GALNTL6: variants seen among roughly 807,000 people sequenced by gnomAD.
GALNTL6 encodes polypeptide N-acetylgalactosaminyltransferase-like 6.
GALNTL6 carries 46 observed loss-of-function variants against 73.7 expected under a neutral mutation model. That is an observed-to-expected ratio of 0.62 (90% CI 0.49 to 0.80). The LOEUF is 0.80. Among genes scored for constraint, GALNTL6 ranks in the 30% least tolerant of loss-of-function variants. The pLI, the probability that GALNTL6 is intolerant of heterozygous loss-of-function variation, is 0.00. For missense variants in GALNTL6, 604 were observed against 755.0 expected (o/e 0.80, Z 2.34); for synonymous variants, 259 against 263.7 (o/e 0.98, Z 0.17).
intron 12 of GALNTL6, among the ~76,000 whole-genome samples, chr4:173,023,269 C>G (rs1288855179): frequency 6.6e-6 from 1 of 152,166 alleles, no homozygotes. Context: ...TAAAACTATA[C>G]TCATCCAAAG....
At chr4:172,337,918 G>T (rs1173011106) in intron 4 of GALNTL6, among the ~76,000 whole-genome samples, 3 of 151,682 alleles carry the variant, frequency 2.0e-5, no homozygotes, top group African/African-American at 7.3e-5. Context: ...GTGATTCATA[G>T]GTTTGATTGC....
chr4:172,436,442 C>A (rs1037181267), intron 5 of GALNTL6, among the ~76,000 whole-genome samples: 6 of 152,072 alleles, frequency 3.9e-5, no homozygotes, highest in Non-Finnish European at 8.8e-5. Flanking sequence ...CCAGGAGACA[C>A]CTGGGGGAGA....
chr4:171,818,308 G>GA (rs912392451), intron 2 of GALNTL6, among the ~76,000 whole-genome samples: 3 of 150,920 alleles, frequency 2.0e-5, no homozygotes, highest in South Asian at 4.2e-4. Flanking sequence ...AAGAATATGT[G>GA]AAAAAAAATC....
intron 7 of GALNTL6, among the ~76,000 whole-genome samples, chr4:172,874,755 C>T (rs1261257032): frequency 6.6e-6 from 1 of 152,166 alleles, no homozygotes; most frequent in East Asian, 1.9e-4. Context: ...CGTCTGCTCC[C>T]GTCTGGCCTG....
chr4:172,828,143 G>C (rs371976331), intron 7 of GALNTL6, among the ~76,000 whole-genome samples: 1 of 151,716 alleles, frequency 6.6e-6, no homozygotes, highest in Non-Finnish European at 1.5e-5. Context: ...ATAGTGGCAG[G>C]CACCTGTAAT....
intron 4 of GALNTL6, among the ~76,000 whole-genome samples, chr4:172,319,510 T>C (rs1740682497): frequency 6.6e-6 from 1 of 152,208 alleles, no homozygotes; most frequent in Non-Finnish European, 1.5e-5. Flanking sequence ...AATTTTATTC[T>C]CAAGTATTCA....
chr4:171,997,134 G>A (rs966371899), intron 2 of GALNTL6, among the ~76,000 whole-genome samples: 3 of 152,076 alleles, frequency 2.0e-5, no homozygotes, highest in Non-Finnish European at 4.4e-5. Context: ...ATGTAAGTGT[G>A]CTCTTTGGAA....
chr4:172,310,153 A>G (rs1225527000), intron 3 of GALNTL6, among the ~76,000 whole-genome samples: 2 of 152,228 alleles, frequency 1.3e-5, no homozygotes, highest in Admixed American at 1.3e-4. Flanking sequence ...GATGTTTCCA[A>G]TGCAAGCATT....
intron 2 of GALNTL6, among the ~76,000 whole-genome samples, chr4:172,190,585 A>C (rs1341211940): frequency 6.6e-6 from 1 of 152,166 alleles, no homozygotes; most frequent in Admixed American, 6.5e-5. Context: ...AAACCGAGAG[A>C]GTACACAGGA....
At chr4:172,725,383 T>A (rs1043005120) in intron 5 of GALNTL6, among the ~76,000 whole-genome samples, 3 of 152,202 alleles carry the variant, frequency 2.0e-5, no homozygotes, top group African/African-American at 7.2e-5. Context: ...AATGCAGAAT[T>A]TCTCAGAGCA....
In GALNTL6 at chr4:172,229,694, A is replaced by T. The variant is rs1178636731; in HGVS notation, c.177A>T (p.Ser59=). ...PLGLGDGQFY[S]WTDGLRRKDW... is the part of the protein sequence containing the mutation. ...GCCTGGGAGATGGGCAATTCTATTC[A>T]TGGACAGATGGTTTGAGAAGAAAGG... The change falls in exon 3 of 13, where the codon TCA becomes TCT. Residue 59 remains serine, a synonymous_variant. Transcript: ENST00000506823. 1 of 1,613,904 alleles carries T rather than the reference A, an allele frequency of 6.2e-7. No homozygotes were observed. The highest frequency in any genetic ancestry group is 1.7e-5 in the Admixed American group (1 of 60,020).
chr4:172,423,706 A>G (rs1731129863), intron 5 of GALNTL6, among the ~76,000 whole-genome samples: 1 of 152,108 alleles, frequency 6.6e-6, no homozygotes, highest in African/African-American at 2.4e-5. Context: ...GCTAGAATGT[A>G]AGCTCTAAAA....
chr4:172,708,534 T>A (rs752116147), intron 5 of GALNTL6, among the ~76,000 whole-genome samples: 47 of 152,276 alleles, frequency 3.1e-4, no homozygotes, highest in Non-Finnish European at 1.6e-4. Flanking sequence ...GAAAATGACT[T>A]AGCCTGACTC....
In GALNTL6 at chr4:171,838,707, C is replaced by T. The variant is rs116197428; in HGVS notation, c.138+23989C>T. Among the ~76,000 whole-genome samples the T allele has an allele frequency of 7.7e-3, 1,174 of 152,198 alleles. 21 individuals are homozygous for T. The highest frequency in any genetic ancestry group is 0.027 in the African/African-American group (1,115 of 41,530). ...TATATACATGAGTTGGGCTAAGCAA[C>T]AAAGTGCTGGTCCAGGTTTGAAGCT... is the stretch of plus-strand genomic sequence containing the variant. On this transcript the variant is annotated intron_variant, in intron 2 of 12. Coordinates refer to ENST00000506823, the MANE Select transcript of GALNTL6 (RefSeq NM_001034845.3).
At chr4:172,897,088 T>A (rs1746368445) in intron 8 of GALNTL6, among the ~76,000 whole-genome samples, 1 of 152,072 alleles carries the variant, frequency 6.6e-6, no homozygotes, top group East Asian at 1.9e-4. Flanking sequence ...TCCCAGCAGG[T>A]CTCAGCACAT....
At chr4:172,104,616 T>C (rs1403512607) in intron 2 of GALNTL6, among the ~76,000 whole-genome samples, 1 of 152,210 alleles carries the variant, frequency 6.6e-6, no homozygotes, top group Non-Finnish European at 1.5e-5. Context: ...TACAATCTTC[T>C]ACGTCATCTG....
chr4:171,900,348 C>T lies in GALNTL6; in HGVS notation c.138+85630C>T, dbSNP rs1404019086. ...TTTGAGACAGAGTCTCACTCTGTTG[C>T]CCAGGCTGGAGTGCAGTGGTGTGAG... On this transcript the variant is annotated intron_variant, in intron 2 of 12. Coordinates refer to ENST00000506823, the MANE Select transcript of GALNTL6 (RefSeq NM_001034845.3). 2.0e-5 allele frequency among the ~76,000 whole-genome samples: 3 copies of T among 152,086 alleles called. No homozygotes were observed. The East Asian group carries it at 5.8e-4, about 29-fold the overall frequency.
intron 5 of GALNTL6, chr4:172,668,609 C>T (rs1731799530): frequency 6.6e-6 from 1 of 152,116 alleles, no homozygotes; most frequent in East Asian, 1.9e-4. Flanking sequence ...TCCTGCTTGG[C>T]TTATTTTATC....
intron 5 of GALNTL6, among the ~76,000 whole-genome samples, chr4:172,589,644 T>C (rs1030210453): frequency 2.6e-5 from 4 of 152,250 alleles, no homozygotes; most frequent in African/African-American, 9.6e-5. Context: ...GTCTAAATTC[T>C]GCAGCCTTAA....
Sources: gnomAD v4.1 joint callset for allele counts (sites outside exome capture counted in the v4.1 genomes callset) on GRCh38, gnomAD v4.1.1 for gene constraint, MANE v1.5 for transcripts, NCBI Gene and HGNC (gene_info 2026-07-23, HGNC 2026-07-21) for gene names.